The following TMC1 variants were observed in gnomAD, a reference collection of about 807,000 sequenced individuals.
TMC1 encodes the protein transmembrane channel-like protein 1.
A neutral mutation model predicts 105.8 loss-of-function variants in TMC1; 84 were observed. The ratio of observed to expected loss-of-function variants is 0.79; its 90% CI spans 0.67 to 0.95. TMC1 has a LOEUF of 0.95. TMC1 is among the 40% of genes least tolerant of loss of function. The pLI, the probability that TMC1 is intolerant of heterozygous loss-of-function variation, is 0.00. For missense variants in TMC1, 817 were observed against 914.1 expected (o/e 0.89, Z 1.37); for synonymous variants, 315 against 311.5 (o/e 1.01, Z -0.12).
At chr9:72,678,183 G>A (rs948936966) in intron 5 of TMC1, among the ~76,000 whole-genome samples, 1 of 152,054 alleles carries the variant, frequency 6.6e-6, no homozygotes, top group Non-Finnish European at 1.5e-5. Context: ...TCTTGGTTAT[G>A]CCACTTATTG....
chr9:72,662,081 A>T (rs1269869260), intron 5 of TMC1, among the ~76,000 whole-genome samples: 1 of 152,176 alleles, frequency 6.6e-6, no homozygotes, highest in East Asian at 1.9e-4. Flanking sequence ...GATCTGTTCC[A>T]CTGGGTAACA....
chr9:72,605,796 G>T lies in TMC1; in HGVS notation c.-305-10572G>T, dbSNP rs564962702. Among the ~76,000 whole-genome samples, 12 of 151,984 alleles carry T rather than the reference G, an allele frequency of 7.9e-5. No individual in the cohort carries two copies. In the South Asian group the frequency reaches 2.1e-3, roughly 26 times the overall value. ...TTGTCATGTTGCCCAGGCTGGTCTC[G>T]AACTCCTGGCCTCAAGTTATCCACC... is the stretch of plus-strand genomic sequence containing the variant. On this transcript the variant is annotated intron_variant, in intron 2 of 23. Coordinates refer to ENST00000297784, the MANE Select transcript of TMC1 (RefSeq NM_138691.3).
chr9:72,769,990 A>G (rs1275174818), intron 12 of TMC1, among the ~76,000 whole-genome samples: 1 of 152,218 alleles, frequency 6.6e-6, no homozygotes, highest in Non-Finnish European at 1.5e-5. Flanking sequence ...TGGATTTAAC[A>G]CAAGTGGGAA....
chr9:72,564,838 T>G (rs1280619066), intron 1 of TMC1, among the ~76,000 whole-genome samples: 1 of 152,232 alleles, frequency 6.6e-6, no homozygotes, highest in Non-Finnish European at 1.5e-5. Context: ...TTTGTGGAAC[T>G]GGGCAGAACT....
intron 18 of TMC1, among the ~76,000 whole-genome samples, chr9:72,806,020 C>T (rs935770694): frequency 1.8e-4 from 27 of 152,200 alleles, no homozygotes; most frequent in Non-Finnish European, 2.9e-4. Context: ...TCCACAAAGC[C>T]GCCATTGTCA....
intron 8 of TMC1, among the ~76,000 whole-genome samples, chr9:72,712,947 C>G (rs191651268): frequency 6.6e-6 from 1 of 152,286 alleles, no homozygotes; most frequent in East Asian, 1.9e-4. Flanking sequence ...AGATACATTC[C>G]TTCAATACCT....
chr9:72,702,317 C>T (rs751204236), intron 8 of TMC1, among the ~76,000 whole-genome samples: 2 of 152,228 alleles, frequency 1.3e-5, no homozygotes, highest in South Asian at 2.1e-4. Flanking sequence ...CCGTATCTCT[C>T]GTGCAGGATC....
At chr9:72,721,775 C>G (rs899565371) in intron 8 of TMC1, among the ~76,000 whole-genome samples, 6 of 152,144 alleles carry the variant, frequency 3.9e-5, no homozygotes, top group Admixed American at 3.9e-4. Flanking sequence ...TTTCCAATAG[C>G]AGAATTCAGT....
chr9:72,820,870 C>T lies in TMC1; in HGVS notation c.1792C>T (p.Pro598Ser). The T allele has an allele frequency of 6.2e-7, 1 of 1,614,158 alleles. No individual in the cohort carries two copies. The highest frequency in any genetic ancestry group is 1.1e-5 in the South Asian group (1 of 91,074). ...GGGCTCCTTCTTTGCTCCCAGCCTCCCAGGCATCAATATCCTTCGACTCCA... is the reference window on the plus strand; with the variant it reads ...GGGCTCCTTCTTTGCTCCCAGCCTCTCAGGCATCAATATCCTTCGACTCCA... ...WMGSFFAPSL[P>S]GINILRLHTS... Residue 598 changes from proline to serine, a missense_variant, in exon 20 of 24, where the codon CCA becomes TCA. Physicochemically the swap from Pro to Ser is moderately conservative, Grantham distance 74. Transcript: ENST00000297784.
chr9:72,566,453 G>T (rs1824155102), intron 1 of TMC1, among the ~76,000 whole-genome samples: 1 of 141,170 alleles, frequency 7.1e-6, no homozygotes, highest in Non-Finnish European at 1.6e-5. Context: ...TGGGCTTTGG[G>T]AAGTGTACAG....
intron 1 of TMC1, among the ~76,000 whole-genome samples, chr9:72,529,809 GAGACTAA>G (rs1823468594): frequency 2.0e-5 from 3 of 152,210 alleles, no homozygotes; most frequent in South Asian, 2.1e-4. Context: ...ATCAAATTAT[GAGACTAA>G]ACCAGTTTCC....
chr9:72,820,366 C>A (rs1274681611), intron 19 of TMC1, among the ~76,000 whole-genome samples: 1 of 152,146 alleles, frequency 6.6e-6, no homozygotes, highest in African/African-American at 2.4e-5. Context: ...TAAGCAAAAA[C>A]TAATTATTCA....
chr9:72,594,863 C>CTTA (rs1303763137), intron 2 of TMC1, among the ~76,000 whole-genome samples: 4 of 150,398 alleles, frequency 2.7e-5, no homozygotes, highest in Non-Finnish European at 4.4e-5. Context: ...TCTGCTTCTT[C>CTTA]TTCTTCTTTT....
At chr9:72,717,384 T>A (rs1826939176) in intron 8 of TMC1, among the ~76,000 whole-genome samples, 1 of 152,188 alleles carries the variant, frequency 6.6e-6, no homozygotes, top group African/African-American at 2.4e-5. Context: ...ATTTATTGTA[T>A]TTTTGTTTTA....
At chr9:72,734,670 G>A (rs2589632) in intron 8 of TMC1, among the ~76,000 whole-genome samples, 34,713 of 151,978 alleles carry the variant, frequency 0.23, 4,276 homozygotes, top group East Asian at 0.39. Flanking sequence ...AATTCTTTTA[G>A]ATGGCAGTGT....
chr9:72,607,386 G>A (rs142329201), intron 2 of TMC1, among the ~76,000 whole-genome samples: 12 of 152,100 alleles, frequency 7.9e-5, no homozygotes, highest in Non-Finnish European at 1.3e-4. Context: ...TTGGGAGGCC[G>A]AGGTGGGAGG....
At chr9:72,614,006 G>A (rs1825080011) in intron 2 of TMC1, among the ~76,000 whole-genome samples, 2 of 152,130 alleles carry the variant, frequency 1.3e-5, no homozygotes, top group African/African-American at 4.8e-5. Context: ...GGAAAGGATG[G>A]TAACTGATAT....
chr9:72,703,163 G>C (rs1826674739), intron 8 of TMC1, among the ~76,000 whole-genome samples: 1 of 151,202 alleles, frequency 6.6e-6, no homozygotes, highest in South Asian at 2.1e-4. Context: ...TCTTAACTCT[G>C]TTGCCCATGC....
intron 1 of TMC1, among the ~76,000 whole-genome samples, chr9:72,524,386 A>G (rs1823367670): frequency 6.6e-6 from 1 of 152,136 alleles, no homozygotes; most frequent in South Asian, 2.1e-4. Flanking sequence ...TTTAGTATTT[A>G]CCATAGTGCC....
Sources: gnomAD v4.1 joint callset for allele counts (sites outside exome capture counted in the v4.1 genomes callset) on GRCh38, gnomAD v4.1.1 for gene constraint, MANE v1.5 for transcripts, NCBI Gene and HGNC (gene_info 2026-07-23, HGNC 2026-07-21) for gene names.